Variants in FANCD2OS observed in about 807,000 individuals in gnomAD.
The protein encoded by FANCD2OS is FANCD2 opposite strand.
Under a neutral mutation model 13.2 loss-of-function variants are expected in FANCD2OS, and 11 were observed. That is an observed-to-expected ratio of 0.83 (90% CI 0.52 to 1.38). The LOEUF (loss-of-function observed/expected upper bound fraction) is 1.38, where lower values mean the gene tolerates loss of function less well. Among genes scored for constraint, FANCD2OS ranks in the 40% most tolerant of loss-of-function variants. FANCD2OS has a pLI of 0.00. For missense variants in FANCD2OS, 217 were observed against 213.9 expected, an observed-to-expected ratio of 1.01 and a Z score of -0.09; for synonymous variants, 69 against 84.5, an observed-to-expected ratio of 0.82 and a Z score of 1.01.
rs1695400118 is a variant in FANCD2OS at position 10,104,081 on chromosome 3, G to A, written c.*160C>T. On this transcript the variant is annotated 3_prime_UTR_variant, in exon 2 of 2. Transcript: ENST00000450660. ...TCTCTATCATTGGTCCTTTTTTGGA[G>A]GGGAAGGGATGAAAGGGGCTCCTGA... 2 of 638,772 alleles carry A rather than the reference G, an allele frequency of 3.1e-6. No individual in the cohort carries two copies. The highest frequency in any genetic ancestry group is 5.3e-6 in the Non-Finnish European group (2 of 380,292). 39.6% of individuals were successfully genotyped at this position (638,772 alleles called of 1,614,324 possible).
At chr3:10,097,491 C>T (rs551590907) in intron 2 of FANCD2OS, among the ~76,000 whole-genome samples, 1 of 152,294 alleles carries the variant, frequency 6.6e-6, no homozygotes, top group Admixed American at 6.5e-5. Context: ...GATATTTCTC[C>T]CATTTGCTTT....
At chr3:10,085,682 G>A (rs1466099355) in intron 2 of FANCD2OS, 31 of 731,702 alleles carry the variant, frequency 4.2e-5, no homozygotes, top group South Asian at 1.1e-4. Flanking sequence ...GAGCCACCAC[G>A]CCCGACCTCT....
intron 2 of FANCD2OS, chr3:10,093,154 T>G (rs1220810339): frequency 1.3e-5 from 9 of 716,266 alleles, no homozygotes; most frequent in Admixed American, 6.7e-5. Context: ...TAATATTAAT[T>G]TAAATGTTGA....
Position 10,090,282 on chromosome 3 carries a change from C to T in FANCD2OS, c.*44-8751G>A, listed in dbSNP as rs781146006. ...ATGGTGTGGGCACGCATGCTTTTCC[C>T]GTCTTCTAGGCATACTTTTGTTGTT... On this transcript the variant is annotated intron_variant, in intron 2 of 2. Coordinates refer to the FANCD2OS transcript ENST00000524279. 57 of 1,607,718 alleles carry T rather than the reference C, an allele frequency of 3.5e-5. No homozygotes were observed. The highest frequency in any genetic ancestry group is 2.2e-4 in the Admixed American group (13 of 59,892).
intron 2 of FANCD2OS, among the ~76,000 whole-genome samples, chr3:10,085,150 A>G (rs901897586): frequency 6.6e-6 from 1 of 152,216 alleles, no homozygotes; most frequent in African/African-American, 2.4e-5. Flanking sequence ...GTATTTTTGA[A>G]GAAGACTACA....
downstream of FANCD2OS, among the ~76,000 whole-genome samples, chr3:10,103,275 G>T (rs755243037): frequency 6.6e-6 from 1 of 152,134 alleles, no homozygotes; most frequent in Non-Finnish European, 1.5e-5. Context: ...GGTGGCACAT[G>T]CCTGTAATCC....
chr3:10,084,666 G>C (rs1694071725), intron 2 of FANCD2OS, among the ~76,000 whole-genome samples: 1 of 152,132 alleles, frequency 6.6e-6, no homozygotes, highest in South Asian at 2.1e-4. Context: ...AGCTATGGTA[G>C]ACCAAAAACC....
chr3:10,092,500 C>T (rs1425400759), intron 2 of FANCD2OS, among the ~76,000 whole-genome samples: 2 of 150,666 alleles, frequency 1.3e-5, no homozygotes, highest in Non-Finnish European at 2.9e-5. Context: ...CTCCTTCCAT[C>T]TGTAATTCCC....
At chr3:10,098,693 C>G, downstream of FANCD2OS, 1 of 1,613,454 alleles carries the variant, frequency 6.2e-7, no homozygotes, top group Non-Finnish European at 8.5e-7. Context: ...TTATAACCCA[C>G]CATTTTCTTG....
rs1199854467 is a variant in FANCD2OS at position 10,104,130 on chromosome 3, C to T, written c.*111G>A. On this transcript the variant is annotated 3_prime_UTR_variant, in exon 2 of 2. Coordinates refer to ENST00000450660, the MANE Select transcript of FANCD2OS (RefSeq NM_001164839.2). Reference sequence around the variant, plus strand: ...GAATCATCACTGCTTGAAACAAAAGCAAGATGGCTGGGACAATGTCACAGT... The same window carrying T: ...GAATCATCACTGCTTGAAACAAAAGTAAGATGGCTGGGACAATGTCACAGT... 2.9e-6 allele frequency: 3 copies of T among 1,045,714 alleles called. No individual in the cohort carries two copies. The highest frequency in any genetic ancestry group is 1.6e-5 in the African/African-American group (1 of 62,068). The allele number at this position is 1,045,714 out of a possible 1,614,324, so 64.8% of individuals were successfully genotyped here.
At chr3:10,092,444 T>G (rs531525174) in intron 2 of FANCD2OS, among the ~76,000 whole-genome samples, 1 of 148,692 alleles carries the variant, frequency 6.7e-6, no homozygotes, top group Admixed American at 6.7e-5. Context: ...TTTTTTTTTG[T>G]CTTTTCCTTC....
intron 1 of FANCD2OS, among the ~76,000 whole-genome samples, chr3:10,105,787 TATATATATA>T (rs1219107969): frequency 3.9e-5 from 2 of 50,636 alleles, no homozygotes; most frequent in East Asian, 9.7e-4. Context: ...TATATATATA[TATATATATA>T]TATATATATA....
rs779549178 is a variant in FANCD2OS at position 10,081,378 on chromosome 3, T to C, written c.*197A>G. 2.5e-6 allele frequency: 4 copies of C among 1,614,168 alleles called. No homozygotes were observed. Among genetic ancestry groups the C allele is most frequent in the Non-Finnish European group, 3.4e-6 (4 of 1,179,988 alleles). ...CTGCTGAGAATCACGGTGTAGTTGA[T>C]GGACCAGGAGTGAAAGTTCAGGAGT... On this transcript the variant is annotated 3_prime_UTR_variant, in exon 3 of 3. Coordinates refer to the FANCD2OS transcript ENST00000524279.
chr3:10,104,205 C>T lies in FANCD2OS; in HGVS notation c.*36G>A, dbSNP rs1239732936. The stretch of plus-strand genomic sequence containing the variant: ...TAAGCTTTAGGTACATACCAAAGGG[C>T]ATGGTGTGAGTAAATGGGGATCAAA... On this transcript the variant is annotated 3_prime_UTR_variant, in exon 2 of 2. Transcript: ENST00000450660. 4 of 1,541,958 alleles carry T rather than the reference C, an allele frequency of 2.6e-6. No individual in the cohort carries two copies. Among genetic ancestry groups the T allele is most frequent in the Non-Finnish European group, 3.5e-6 (4 of 1,137,618 alleles).
intron 1 of FANCD2OS, among the ~76,000 whole-genome samples, chr3:10,105,963 C>A (rs1248464418): frequency 1.3e-5 from 2 of 151,300 alleles, no homozygotes; most frequent in Non-Finnish European, 2.9e-5. Flanking sequence ...TTTATATAAG[C>A]CCTCTTGCAT....
In FANCD2OS at chr3:10,084,486, C is replaced by T. The variant is rs140351173; in HGVS notation, c.*44-2955G>A. 4.6e-3 allele frequency among the ~76,000 whole-genome samples: 702 copies of T among 151,510 alleles called. 4 individuals carry two copies. Among genetic ancestry groups the T allele is most frequent in the Non-Finnish European group, 7.2e-3 (492 of 67,898 alleles). ...TCCTTTTTTTTTTCTTTGGTAGAGA[C>T]GGGGTTTCGCCATGTTGCCCCCAGG... On this transcript the variant is annotated intron_variant, in intron 2 of 2. Coordinates refer to the FANCD2OS transcript ENST00000524279.
downstream of FANCD2OS, chr3:10,102,909 T>C (rs1015573902): frequency 5.1e-6 from 1 of 195,654 alleles, no homozygotes; most frequent in Non-Finnish European, 1.1e-5. Flanking sequence ...CATGTTAACT[T>C]TGTATATGTA....
At chr3:10,087,281 C>CCTTT in intron 2 of FANCD2OS, 1 of 1,310,526 alleles carries the variant, frequency 7.6e-7, no homozygotes, top group Non-Finnish European at 1.0e-6. Flanking sequence ...GGCCTAGATC[C>CCTTT]TTTTTTTTTT....
intron 2 of FANCD2OS, among the ~76,000 whole-genome samples, chr3:10,095,563 C>T (rs1320856028): frequency 6.6e-6 from 1 of 152,206 alleles, no homozygotes; most frequent in East Asian, 1.9e-4. Context: ...GCAAAGTCCT[C>T]TAGGTAACAG....
Sources: gnomAD v4.1 joint callset for allele counts (sites outside exome capture counted in the v4.1 genomes callset) on GRCh38, gnomAD v4.1.1 for gene constraint, MANE v1.5 for transcripts, NCBI Gene and HGNC (gene_info 2026-07-23, HGNC 2026-07-21) for gene names.